KHDRBS2: variants seen among roughly 807,000 people sequenced by gnomAD.
KHDRBS2 encodes KH RNA binding domain containing, signal transduction associated 2.
A neutral mutation model predicts 44.3 loss-of-function variants in KHDRBS2; 26 were observed. That is an observed-to-expected ratio of 0.59 (90% CI 0.43 to 0.81). The LOEUF (loss-of-function observed/expected upper bound fraction) is 0.81. KHDRBS2 is among the 40% of genes least tolerant of loss of function. The pLI is 0.00. For synonymous variants in KHDRBS2, 194 were observed against 151.1 expected (o/e 1.28, Z -2.08); for missense variants, 476 against 433.1 (o/e 1.10, Z -0.88).
chr6:62,233,259 TCTC>T (rs1312253289), intron 1 of KHDRBS2, among the ~76,000 whole-genome samples: 1 of 151,524 alleles, frequency 6.6e-6, no homozygotes, highest in African/African-American at 2.4e-5. Flanking sequence ...ATAATCTCCT[TCTC>T]CTCCACCCCA....
At chr6:61,708,967 G>T (rs868612236) in intron 7 of KHDRBS2, among the ~76,000 whole-genome samples, 1 of 151,626 alleles carries the variant, frequency 6.6e-6, no homozygotes, top group Non-Finnish European at 1.5e-5. Flanking sequence ...GAATTGCTGT[G>T]TGTCATTTTG....
chr6:62,073,255 C>G (rs1237460599), intron 2 of KHDRBS2, among the ~76,000 whole-genome samples: 1 of 151,666 alleles, frequency 6.6e-6, no homozygotes, highest in Non-Finnish European at 1.5e-5. Context: ...TAGTTCTATA[C>G]AGATTTTCTA....
chr6:61,838,341 A>G (rs1263432824), intron 6 of KHDRBS2, among the ~76,000 whole-genome samples: 1 of 152,008 alleles, frequency 6.6e-6, no homozygotes, highest in Non-Finnish European at 1.5e-5. Flanking sequence ...CTAAGGCCAA[A>G]GACATAAGAA....
intron 1 of KHDRBS2, among the ~76,000 whole-genome samples, chr6:62,188,577 A>G (rs993503751): frequency 2.4e-4 from 36 of 152,170 alleles, no homozygotes; most frequent in African/African-American, 8.7e-4. Flanking sequence ...GTCATCCTTG[A>G]TCAGAGACAT....
chr6:61,793,422 C>T (rs1464801793), intron 6 of KHDRBS2, among the ~76,000 whole-genome samples: 1 of 151,836 alleles, frequency 6.6e-6, no homozygotes, highest in African/African-American at 2.4e-5. Flanking sequence ...TTAAGGAATA[C>T]TATGTTTATG....
rs538841359 is a variant in KHDRBS2 at position 62,240,410 on chromosome 6, T to A, written c.91+45448A>T. ...CCTGGTTTCCTTTACTAGAGAAGTT[T>A]AGCAAAAATTAAGTTGTGGGTACTG... On this transcript the variant is annotated intron_variant, in intron 1 of 8. Transcript: ENST00000281156. 9.2e-5 allele frequency among the ~76,000 whole-genome samples: 14 copies of A among 152,066 alleles called. No individual in the cohort carries two copies. In the East Asian group the frequency reaches 2.5e-3, roughly 27 times the overall value.
At chr6:62,067,848 TC>T (rs1794106295) in intron 2 of KHDRBS2, among the ~76,000 whole-genome samples, 1 of 151,624 alleles carries the variant, frequency 6.6e-6, no homozygotes, top group Non-Finnish European at 1.5e-5. Flanking sequence ...ATGTGGTTTT[TC>T]CTTTAGCTTA....
chr6:61,945,981 TATGTG>T (rs1813289946), intron 4 of KHDRBS2, among the ~76,000 whole-genome samples: 1 of 152,202 alleles, frequency 6.6e-6, no homozygotes, highest in African/African-American at 2.4e-5. Context: ...TGTGTTTGCT[TATGTG>T]TGTGTGCACA....
chr6:61,602,959 T>G, the KHDRBS2 span, among the ~76,000 whole-genome samples: 1 of 152,138 alleles, frequency 6.6e-6, no homozygotes, highest in Non-Finnish European at 1.5e-5. Flanking sequence ...CAAAGCCTCC[T>G]TCACATCCTT....
chr6:61,631,383 T>A, the KHDRBS2 span, among the ~76,000 whole-genome samples: 2 of 134,208 alleles, frequency 1.5e-5, no homozygotes, highest in Non-Finnish European at 3.1e-5. Flanking sequence ...TTGCTGGAGG[T>A]ACTTTGGGAG....
At chr6:62,227,139 T>G (rs1189065493) in intron 1 of KHDRBS2, among the ~76,000 whole-genome samples, 1 of 152,260 alleles carries the variant, frequency 6.6e-6, no homozygotes, top group Non-Finnish European at 1.5e-5. Flanking sequence ...CATTATTGAT[T>G]CTTCCTATCC....
the KHDRBS2 span, among the ~76,000 whole-genome samples, chr6:61,671,004 C>A: frequency 1.3e-5 from 2 of 151,272 alleles, no homozygotes; most frequent in Admixed American, 6.6e-5. Context: ...TATGGTATTG[C>A]GAAAATGACA....
At chr6:61,611,678 A>G in the KHDRBS2 span, among the ~76,000 whole-genome samples, 11 of 152,318 alleles carry the variant, frequency 7.2e-5, no homozygotes, top group Admixed American at 6.5e-4. Flanking sequence ...TTTTAGATAC[A>G]GGGAGTACTT....
chr6:61,897,419 AC>A (rs1277577503), intron 5 of KHDRBS2, among the ~76,000 whole-genome samples: 3 of 152,142 alleles, frequency 2.0e-5, no homozygotes, highest in African/African-American at 7.2e-5. Flanking sequence ...CCAGCAATCC[AC>A]AGAGCTCAGA....
intron 6 of KHDRBS2, among the ~76,000 whole-genome samples, chr6:61,887,151 A>C (rs968413474): frequency 2.0e-5 from 3 of 152,038 alleles, no homozygotes; most frequent in Non-Finnish European, 4.4e-5. Flanking sequence ...CTCAGTTTCA[A>C]GCTTCAGTTT....
intron 2 of KHDRBS2, among the ~76,000 whole-genome samples, chr6:62,092,255 C>A (rs1799630986): frequency 6.6e-6 from 1 of 152,004 alleles, no homozygotes; most frequent in South Asian, 2.1e-4. Flanking sequence ...ATAACTCACC[C>A]AAATGGCATT....
At chr6:61,597,007 C>T in the KHDRBS2 span, among the ~76,000 whole-genome samples, 914 of 152,208 alleles carry the variant, frequency 6.0e-3, 3 homozygotes, top group Admixed American at 9.4e-3. Flanking sequence ...ATTTATATCT[C>T]AAAGACACAG....
At chr6:62,052,243 C>T (rs1486487239) in intron 2 of KHDRBS2, among the ~76,000 whole-genome samples, 1 of 151,904 alleles carries the variant, frequency 6.6e-6, no homozygotes, top group Non-Finnish European at 1.5e-5. Context: ...TAAGTGTCCA[C>T]TGACAGACAA....
intron 1 of KHDRBS2, among the ~76,000 whole-genome samples, chr6:62,206,287 G>T (rs1351148422): frequency 1.3e-5 from 2 of 152,010 alleles, no homozygotes; most frequent in African/African-American, 4.8e-5. Flanking sequence ...TGCACAAACA[G>T]GTCATAATAA....
Sources: allele counts gnomAD v4.1 joint callset (sites outside exome capture counted in the v4.1 genomes callset), GRCh38; gene constraint gnomAD v4.1.1; transcripts MANE v1.5; gene names NCBI Gene and HGNC (gene_info 2026-07-23, HGNC 2026-07-21).